Variants in OVCH1 observed in about 807,000 individuals in gnomAD.
OVCH1 encodes the protein ovochymase-1.
Under a neutral mutation model 138.4 loss-of-function variants are expected in OVCH1, and 139 were observed. That is an observed-to-expected ratio of 1.00 (90% CI 0.87 to 1.16). The LOEUF (loss-of-function observed/expected upper bound fraction) is 1.16, where lower values mean the gene tolerates loss of function less well. Ranked by LOEUF, OVCH1 falls within the 50% of genes most tolerant of loss-of-function variation. OVCH1 has a pLI of 0.00. For missense variants in OVCH1, 1,367 were observed against 1,357.9 expected (o/e 1.01, Z -0.11); for synonymous variants, 453 against 467.8 (o/e 0.97, Z 0.41).
chr12:29,464,482 G>T, intron 18 of OVCH1, 25 bp downstream of exon 18: 1 of 1,608,548 alleles, frequency 6.2e-7, no homozygotes, highest in Non-Finnish European at 8.5e-7. Flanking sequence ...TGGCATTAAT[G>T]TTTATGCAAC....
At chr12:29,462,259 C>T (rs969058041) in intron 18 of OVCH1, among the ~76,000 whole-genome samples, 9 of 151,424 alleles carry the variant, frequency 5.9e-5, no homozygotes, top group Non-Finnish European at 1.3e-4. Context: ...TTTTTTCTAG[C>T]TTATTTTCAA....
intron 3 of OVCH1, 74 bp from the exon 4 acceptor site, chr12:29,495,531 T>G (rs765408747): frequency 6.5e-5 from 86 of 1,322,852 alleles, no homozygotes; most frequent in Non-Finnish European, 8.8e-5. Flanking sequence ...TGTAATTAAA[T>G]GAAAAGTGAT....
At chr12:29,408,987 C>T (rs1940918236), downstream of OVCH1, among the ~76,000 whole-genome samples, 1 of 152,030 alleles carries the variant, frequency 6.6e-6, no homozygotes. Flanking sequence ...AATTTCAGCT[C>T]CTGTTATTGG....
chr12:29,452,436 T>C (rs1006279530), intron 21 of OVCH1, among the ~76,000 whole-genome samples: 1 of 134,258 alleles, frequency 7.4e-6, no homozygotes. Flanking sequence ...TCTTTTTTTA[T>C]CTGTACAGCT....
intron 22 of OVCH1, among the ~76,000 whole-genome samples, chr12:29,449,750 C>G (rs543024272): frequency 1.3e-5 from 2 of 152,272 alleles, no homozygotes; most frequent in South Asian, 2.1e-4. Flanking sequence ...ATCACACTAC[C>G]TGATTTCAAA....
At chr12:29,439,336 T>G (rs1418999009) in exon 26 of OVCH1, 1 of 1,525,028 alleles carries the variant, frequency 6.6e-7, no homozygotes. Context: ...ACCACTGAAT[T>G]TTCCCATATA....
At chr12:29,409,673 G>C (rs543977346), downstream of OVCH1, among the ~76,000 whole-genome samples, 101 of 152,194 alleles carry the variant, frequency 6.6e-4, 5 homozygotes, top group South Asian at 0.021. Flanking sequence ...GTCTGAGAGA[G>C]AGTTTGTTAT....
chr12:29,436,638 G>A (rs745325636), intron 26 of OVCH1, among the ~76,000 whole-genome samples: 1 of 152,180 alleles, frequency 6.6e-6, no homozygotes, highest in Non-Finnish European at 1.5e-5. Flanking sequence ...CTTCAGATGT[G>A]TCCAGAGTTT....
intron 9 of OVCH1, 71 bp downstream of exon 10, chr12:29,478,764 G>T: frequency 9.1e-7 from 1 of 1,104,246 alleles, no homozygotes. Flanking sequence ...TTTTATTTTA[G>T]ATCCTTTAGC....
exon 19 of OVCH1, chr12:29,461,921 G>A (rs773489865): frequency 1.2e-6 from 2 of 1,613,860 alleles, no homozygotes; most frequent in East Asian, 4.5e-5. Context: ...GATCCCTCCT[G>A]GATGGGCAGA....
chr12:29,463,470 A>T (rs931743211), intron 18 of OVCH1, among the ~76,000 whole-genome samples: 2 of 152,170 alleles, frequency 1.3e-5, no homozygotes, highest in African/African-American at 4.8e-5. Flanking sequence ...GTTAACCACA[A>T]GAAAAATAGA....
chr12:29,459,208 A>G (rs6487827), intron 19 of OVCH1, among the ~76,000 whole-genome samples: 6,183 of 152,282 alleles, frequency 0.041, 164 homozygotes, highest in East Asian at 0.07. Context: ...CACTATTCAC[A>G]ATGACCAAGA....
intron 7 of OVCH1, chr12:29,487,208 G>T (rs961243489): frequency 5.1e-6 from 1 of 195,952 alleles, no homozygotes; most frequent in South Asian, 8.7e-5. Flanking sequence ...TTCTGCAGAC[G>T]ACAGGTTTGG....
intron 26 of OVCH1, among the ~76,000 whole-genome samples, chr12:29,436,113 A>C (rs749539492): frequency 1.6e-4 from 24 of 152,162 alleles, no homozygotes; most frequent in South Asian, 1.5e-3. Context: ...TATTTTATTT[A>C]ATGGCTGCAT....
At chr12:29,495,756 G>GT (rs1366328923) in intron 3 of OVCH1, among the ~76,000 whole-genome samples, 2 of 152,078 alleles carry the variant, frequency 1.3e-5, no homozygotes, top group Admixed American at 6.5e-5. Flanking sequence ...GGATACAGAA[G>GT]TTTTTTTCTA....
At chr12:29,421,268 T>G (rs1426100835) in intron 3 of OVCH1, among the ~76,000 whole-genome samples, 1 of 152,258 alleles carries the variant, frequency 6.6e-6, no homozygotes, top group Admixed American at 6.5e-5. Context: ...ACGTTTGTCT[T>G]GGGTTGGCCA....
intron 3 of OVCH1, among the ~76,000 whole-genome samples, chr12:29,417,074 A>G (rs1435600352): frequency 6.6e-6 from 1 of 152,224 alleles, no homozygotes; most frequent in Non-Finnish European, 1.5e-5. Flanking sequence ...AGTCAATCCC[A>G]AAAGGTTACA....
At chr12:29,433,768 C>A in exon 27 of OVCH1, 2 of 1,421,470 alleles carry the variant, frequency 1.4e-6, no homozygotes, top group Middle Eastern at 1.9e-4. Context: ...AAATTTGATG[C>A]AAATTTCTTC....
At chr12:29,471,462 G>C (rs1417062032) in intron 16 of OVCH1, among the ~76,000 whole-genome samples, 3 of 152,142 alleles carry the variant, frequency 2.0e-5, no homozygotes, top group African/African-American at 7.2e-5. Context: ...TTAGCTTAAA[G>C]ATTAAACTAA....
Sources: allele counts gnomAD v4.1 joint callset (sites outside exome capture counted in the v4.1 genomes callset), GRCh38; gene constraint gnomAD v4.1.1; transcripts MANE v1.5; gene names NCBI Gene and HGNC (gene_info 2026-07-23, HGNC 2026-07-21).